BMP2K: variants seen among roughly 807,000 people sequenced by gnomAD.
The protein encoded by BMP2K is BMP-2-inducible protein kinase.
A neutral mutation model predicts 116.0 loss-of-function variants in BMP2K; 74 were observed. The observed-to-expected ratio is 0.64, with a 90% CI of 0.53 to 0.77. The LOEUF is 0.77. Ranked by LOEUF, BMP2K falls within the 30% of genes least tolerant of loss-of-function variation. The pLI, the probability that BMP2K is intolerant of heterozygous loss-of-function variation, is 0.00. For synonymous variants in BMP2K, 486 were observed against 502.5 expected, an observed-to-expected ratio of 0.97 and a Z score of 0.44; for missense variants, 1,365 against 1,403.6, an observed-to-expected ratio of 0.97 and a Z score of 0.44.
At chr4:78,839,616 A>G (rs1345601905) in intron 3 of BMP2K, among the ~76,000 whole-genome samples, 1 of 152,212 alleles carries the variant, frequency 6.6e-6, no homozygotes, top group African/African-American at 2.4e-5. Flanking sequence ...TAGGATAGAT[A>G]TACATATAAA....
At chr4:78,903,273 ATTG>A (rs1403370648) in intron 15 of BMP2K, among the ~76,000 whole-genome samples, 2 of 151,918 alleles carry the variant, frequency 1.3e-5, no homozygotes, top group African/African-American at 4.8e-5. Flanking sequence ...AAATTATCCT[ATTG>A]TTATTACCTT....
At chr4:78,827,550 T>C (rs1729935072) in intron 2 of BMP2K, among the ~76,000 whole-genome samples, 1 of 152,168 alleles carries the variant, frequency 6.6e-6, no homozygotes, top group South Asian at 2.1e-4. Flanking sequence ...CTATGTGTGC[T>C]CATAGACACA....
At chr4:78,842,648 C>A in intron 4 of BMP2K, 121 bp downstream of exon 4, 1 of 832,882 alleles carries the variant, frequency 1.2e-6, no homozygotes, top group Non-Finnish European at 1.7e-6. Context: ...TCCCCTTCTA[C>A]ATTTCCTGAG....
intron 15 of BMP2K, among the ~76,000 whole-genome samples, chr4:78,909,480 ACC>A (rs1362349310): frequency 6.6e-6 from 1 of 152,044 alleles, no homozygotes; most frequent in Non-Finnish European, 1.5e-5. Context: ...GCCTTAGAGG[ACC>A]TTCACAGTCT....
intron 8 of BMP2K, among the ~76,000 whole-genome samples, chr4:78,860,805 G>A (rs1378412117): frequency 5.0e-5 from 5 of 99,026 alleles, no homozygotes; most frequent in East Asian, 2.7e-4. Flanking sequence ...TGAAGCCCTC[G>A]CCATATTGAT....
chr4:78,820,523 TTTCTC>T (rs1450743588), intron 1 of BMP2K, among the ~76,000 whole-genome samples: 1 of 152,112 alleles, frequency 6.6e-6, no homozygotes, highest in Non-Finnish European at 1.5e-5. Flanking sequence ...CTCCCCTCAT[TTTCTC>T]TTTTCTTTTT....
At chr4:78,825,461 T>C (rs1324378891) in intron 1 of BMP2K, among the ~76,000 whole-genome samples, 2 of 152,196 alleles carry the variant, frequency 1.3e-5, no homozygotes, top group East Asian at 3.9e-4. Context: ...TACCAGTCTT[T>C]TATCTATGGA....
chr4:78,872,974 C>G (rs1262325197), intron 13 of BMP2K, among the ~76,000 whole-genome samples, 176 bp downstream of exon 13: 1 of 152,176 alleles, frequency 6.6e-6, no homozygotes, highest in Non-Finnish European at 1.5e-5. Flanking sequence ...CTTCCGTTTC[C>G]TCAGTTAATT....
chr4:78,843,677 A>G lies in BMP2K; in HGVS notation c.546+1150A>G, dbSNP rs1413035654. On this transcript the variant is annotated intron_variant, in intron 4 of 15. Coordinates refer to ENST00000502613, the MANE Select transcript of BMP2K (RefSeq NM_198892.2). Reference sequence around the variant, plus strand: ...GAGATAAGGCAGCATTGAAATGCTTAACTGCAGGCATCTCGCCTTAATTTG... The same window carrying G: ...GAGATAAGGCAGCATTGAAATGCTTGACTGCAGGCATCTCGCCTTAATTTG... Among the ~76,000 whole-genome samples, 3 of 151,988 alleles carry G rather than the reference A, an allele frequency of 2.0e-5. No homozygotes were observed. In the East Asian group the frequency reaches 5.8e-4, roughly 29 times the overall value.
rs143218037 is a variant in BMP2K at position 78,792,894 on chromosome 4, A to G, written c.178+16173A>G. The stretch of plus-strand genomic sequence containing the variant: ...CTATTCATAGTTATCTGAAAAGACT[A>G]TAAAATAGTCTTCACCTTTTCCTCT... On this transcript the variant is annotated intron_variant, in intron 1 of 15. Transcript: ENST00000502613. Among the ~76,000 whole-genome samples the G allele has an allele frequency of 3.9e-4, 60 of 152,364 alleles. No homozygotes were observed. In the East Asian group the frequency reaches 5.2e-3, roughly 13 times the overall value.
chr4:78,914,744 GGTT>G lies in BMP2K; in HGVS notation c.*2712_*2714del, dbSNP rs1734900648. The G allele has an allele frequency of 6.7e-6, 1 of 148,954 alleles. No homozygotes were observed. The highest frequency in any genetic ancestry group is 2.5e-5 in the African/African-American group (1 of 40,624). The allele number at this position is 148,954 out of a possible 1,614,324, so 9.2% of individuals were successfully genotyped here. ...AATATATATATATATATATATTTGG[GGTT>G]TTTTTTCCCTAATATTATTTGGGTG... On this transcript the variant is annotated 3_prime_UTR_variant, in exon 16 of 16. Transcript: ENST00000502613.
chr4:78,880,339 T>A (rs1327972118), intron 14 of BMP2K, among the ~76,000 whole-genome samples: 2 of 152,248 alleles, frequency 1.3e-5, no homozygotes, highest in Non-Finnish European at 1.5e-5. Context: ...CCCAAAGTAC[T>A]GGGATTACAG....
intron 1 of BMP2K, among the ~76,000 whole-genome samples, chr4:78,789,372 C>T (rs1447295079): frequency 6.6e-6 from 1 of 151,946 alleles, no homozygotes; most frequent in East Asian, 1.9e-4. Flanking sequence ...AGTACTTTTA[C>T]TTATGGCCTC....
Position 78,776,458 on chromosome 4 carries a change from C to A in BMP2K, c.-86C>A. The A allele has an allele frequency of 9.2e-7, 1 of 1,088,836 alleles. No individual in the cohort carries two copies. The allele number at this position is 1,088,836 out of a possible 1,614,324, so 67.4% of individuals were successfully genotyped here. Reference sequence around the variant, plus strand: ...GCACGCTCGGACGGGCCAGGGGCGGCGACCCCTCGCGGACGCCCGGCTGCG... The same window carrying A: ...GCACGCTCGGACGGGCCAGGGGCGGAGACCCCTCGCGGACGCCCGGCTGCG... On this transcript the variant is annotated 5_prime_UTR_variant, in exon 1 of 16. Coordinates refer to ENST00000502613, the MANE Select transcript of BMP2K (RefSeq NM_198892.2).
Position 78,828,336 on chromosome 4 carries a change from G to A in BMP2K, c.297+2181G>A, listed in dbSNP as rs550340921. ...GTGATGCATAGGGTATGAGGTATGG[G>A]GGAAGGGGTACAGAGCTTCCTTGCC... On this transcript the variant is annotated intron_variant, in intron 2 of 15. Transcript: ENST00000502613. Among the ~76,000 whole-genome samples, 4 of 152,318 alleles carry A rather than the reference G, an allele frequency of 2.6e-5. No homozygotes were observed. In the East Asian group the frequency reaches 7.7e-4, roughly 29 times the overall value.
chr4:78,875,089 A>G (rs900613884), intron 13 of BMP2K, among the ~76,000 whole-genome samples: 3 of 152,234 alleles, frequency 2.0e-5, no homozygotes, highest in African/African-American at 7.2e-5. Context: ...GTGGAACTTC[A>G]TGTGGGAACA....
chr4:78,837,912 C>T (rs965631182), intron 3 of BMP2K, among the ~76,000 whole-genome samples: 3 of 152,098 alleles, frequency 2.0e-5, no homozygotes, highest in Admixed American at 6.5e-5. Flanking sequence ...CAAAGTGTTG[C>T]GATTAAGGGC....
intron 2 of BMP2K, among the ~76,000 whole-genome samples, chr4:78,829,775 C>CTT (rs1305382263): frequency 8.8e-6 from 1 of 113,358 alleles, no homozygotes; most frequent in Non-Finnish European, 1.7e-5. Context: ...CTTTTCTTTT[C>CTT]TTTTCTTTTC....
intron 1 of BMP2K, among the ~76,000 whole-genome samples, chr4:78,801,478 C>G (rs908534073): frequency 1.3e-5 from 2 of 151,988 alleles, no homozygotes; most frequent in African/African-American, 2.4e-5. Flanking sequence ...TCTTAACAGT[C>G]GCTATGTATT....
Sources: allele counts gnomAD v4.1 joint callset (sites outside exome capture counted in the v4.1 genomes callset), GRCh38; gene constraint gnomAD v4.1.1; transcripts MANE v1.5; gene names NCBI Gene and HGNC (gene_info 2026-07-23, HGNC 2026-07-21).